NSD3: variants seen among roughly 807,000 people sequenced by gnomAD.
The protein encoded by NSD3 is histone-lysine N-methyltransferase NSD3.
In NSD3, 24 loss-of-function variants were observed where a neutral mutation model predicts 160.8. The observed-to-expected ratio is 0.15, with a 90% CI of 0.11 to 0.21. The LOEUF (loss-of-function observed/expected upper bound fraction) is 0.21. Among genes scored for constraint, NSD3 ranks in the 10% least tolerant of loss-of-function variants. The probability of loss-of-function intolerance (pLI) is 1.00; values close to 1 mark genes in which losing one functional copy is unlikely to be tolerated. For synonymous variants in NSD3, 520 were observed against 600.0 expected (o/e 0.87, Z 1.95); for missense variants, 1,157 against 1,735.9 (o/e 0.67, Z 5.93).
intron 2 of NSD3, among the ~76,000 whole-genome samples, chr8:38,343,990 T>C (rs1276056504): frequency 6.6e-6 from 1 of 152,196 alleles, no homozygotes; most frequent in Non-Finnish European, 1.5e-5. Flanking sequence ...GCATTCCACC[T>C]GCCAAGGAGG....
chr8:38,285,828 T>A (rs1808842065), intron 19 of NSD3, among the ~76,000 whole-genome samples: 1 of 152,212 alleles, frequency 6.6e-6, no homozygotes, highest in Non-Finnish European at 1.5e-5. Context: ...ACCTTCAAAA[T>A]GTCAGAAATC....
intron 15 of NSD3, among the ~76,000 whole-genome samples, chr8:38,299,042 A>G (rs754831790): frequency 1.7e-4 from 26 of 152,158 alleles, no homozygotes; most frequent in Non-Finnish European, 3.8e-4. Flanking sequence ...TTAATAACCT[A>G]CCTTGTTATT....
chr8:38,373,156 C>A (rs1811298615), intron 1 of NSD3, among the ~76,000 whole-genome samples: 1 of 152,086 alleles, frequency 6.6e-6, no homozygotes, highest in Non-Finnish European at 1.5e-5. Context: ...ACCAGCTAAA[C>A]CAATGAGGTT....
At chr8:38,378,018 T>C (rs182551737) in intron 1 of NSD3, among the ~76,000 whole-genome samples, 2 of 152,350 alleles carry the variant, frequency 1.3e-5, no homozygotes, top group Admixed American at 1.3e-4. Flanking sequence ...CATACATGCA[T>C]AGAAGTTTTC....
chr8:38,322,397 G>A lies in NSD3; in HGVS notation c.1709-1225C>T, dbSNP rs978537419. The stretch of plus-strand genomic sequence containing the variant: ...ACTGACGAAAATGTTTACTAAGACA[G>A]CAGATATGCTACCCTCCCAGACCAA... On this transcript the variant is annotated intron_variant, in intron 7 of 23. Transcript: ENST00000317025. Among the ~76,000 whole-genome samples the A allele has an allele frequency of 2.0e-5, 3 of 152,020 alleles. No individual in the cohort carries two copies. The East Asian group carries it at 5.8e-4, about 29-fold the overall frequency.
intron 1 of NSD3, among the ~76,000 whole-genome samples, chr8:38,356,037 T>C (rs1810815629): frequency 6.6e-6 from 1 of 152,176 alleles, no homozygotes; most frequent in South Asian, 2.1e-4. Context: ...AGAACCTCAC[T>C]TCACCCTTCT....
chr8:38,275,587 T>C lies in NSD3; in HGVS notation c.*54A>G. 2 of 1,522,838 alleles carry C rather than the reference T, an allele frequency of 1.3e-6. No individual in the cohort carries two copies. Among genetic ancestry groups the C allele is most frequent in the Non-Finnish European group, 1.8e-6 (2 of 1,119,184 alleles). The allele number at this position is 1,522,838 out of a possible 1,614,324, so 94.3% of individuals were successfully genotyped here. ...ACTGTAGCAGTCTCTTCTTTTTAAA[T>C]GCATGATCTATTTGCTTTTTTCACT... On this transcript the variant is annotated 3_prime_UTR_variant, in exon 24 of 24. Transcript: ENST00000317025.
At chr8:38,278,185 G>A (rs1422527114) in intron 22 of NSD3, 121 bp downstream of exon 22, 46 of 679,818 alleles carry the variant, frequency 6.8e-5, no homozygotes, top group South Asian at 1.5e-4. Flanking sequence ...TGATCTGCCC[G>A]CCTTGGCCTC....
chr8:38,379,372 G>A (rs10095753), intron 1 of NSD3, among the ~76,000 whole-genome samples: 32,470 of 150,026 alleles, frequency 0.22, 3,687 homozygotes, highest in East Asian at 0.31. Context: ...CTAAAAATTT[G>A]CAGCACTGAT....
intron 7 of NSD3, among the ~76,000 whole-genome samples, chr8:38,324,000 C>A (rs1809850941): frequency 6.6e-6 from 1 of 152,066 alleles, no homozygotes; most frequent in Non-Finnish European, 1.5e-5. Context: ...CATTTAAATT[C>A]AGACAAATTA....
chr8:38,342,993 A>T (rs1278630154), intron 2 of NSD3, among the ~76,000 whole-genome samples: 1 of 151,574 alleles, frequency 6.6e-6, no homozygotes, highest in Non-Finnish European at 1.5e-5. Context: ...GGAGTTCAAG[A>T]TCAGCCTGGC....
chr8:38,334,932 G>A (rs986993881), intron 4 of NSD3, among the ~76,000 whole-genome samples: 1 of 151,216 alleles, frequency 6.6e-6, no homozygotes, highest in South Asian at 2.1e-4. Context: ...AAACAAAATC[G>A]GTTTTTCCAG....
intron 15 of NSD3, among the ~76,000 whole-genome samples, chr8:38,296,680 G>GTA (rs1443425614): frequency 6.5e-5 from 4 of 61,442 alleles, no homozygotes; most frequent in Non-Finnish European, 1.9e-4. Context: ...CCCTCTGTGT[G>GTA]TGTGTGTGTG....
At chr8:38,300,215 G>C (rs1034204601) in intron 14 of NSD3, among the ~76,000 whole-genome samples, 4 of 152,082 alleles carry the variant, frequency 2.6e-5, no homozygotes, top group African/African-American at 9.7e-5. Flanking sequence ...AGACTGGAGG[G>C]TAGTGGTGTG....
At chr8:38,369,201 A>G (rs1006543678) in intron 1 of NSD3, among the ~76,000 whole-genome samples, 7 of 152,250 alleles carry the variant, frequency 4.6e-5, no homozygotes, top group African/African-American at 1.4e-4. Flanking sequence ...AGTATTCAAC[A>G]TGTAGTTTTC....
intron 2 of NSD3, among the ~76,000 whole-genome samples, chr8:38,343,028 C>T (rs1810416127): frequency 6.6e-6 from 1 of 151,532 alleles, no homozygotes; most frequent in African/African-American, 2.4e-5. Flanking sequence ...CCCGTCTCTA[C>T]TAAAAATACA....
chr8:38,374,690 T>C (rs1252755469), intron 1 of NSD3, among the ~76,000 whole-genome samples: 1 of 152,126 alleles, frequency 6.6e-6, no homozygotes, highest in Non-Finnish European at 1.5e-5. Context: ...AAATCTTAAT[T>C]TTCCCATCTT....
intron 19 of NSD3, among the ~76,000 whole-genome samples, chr8:38,284,407 A>G (rs1027106828): frequency 1.2e-4 from 19 of 152,170 alleles, no homozygotes; most frequent in African/African-American, 4.3e-4. Context: ...TTCTGTTTTG[A>G]GACGGAGTTT....
rs559896832 is a variant in NSD3, at chr8:38,294,089, TTTG to T, written c.2915+1704_2915+1706del. ...GAGTTTTTTAGTTTAATTGTGTTTTTTTGTTGTTGTTTTTTTCTGAGACAGGGT... is the reference window on the plus strand; with the variant it reads ...GAGTTTTTTAGTTTAATTGTGTTTTTTTGTTGTTTTTTTCTGAGACAGGGT... On this transcript the variant is annotated intron_variant, in intron 16 of 23. Coordinates refer to ENST00000317025, the MANE Select transcript of NSD3 (RefSeq NM_023034.2). 7.2e-5 allele frequency among the ~76,000 whole-genome samples: 11 copies of T among 152,190 alleles called. No homozygotes were observed. The South Asian group carries it at 1.5e-3, about 20-fold the overall frequency.
Sources: allele counts gnomAD v4.1 joint callset (sites outside exome capture counted in the v4.1 genomes callset), GRCh38; gene constraint gnomAD v4.1.1; transcripts MANE v1.5; gene names NCBI Gene and HGNC (gene_info 2026-07-23, HGNC 2026-07-21).